TBCK: variants seen among roughly 807,000 people sequenced by gnomAD.
TBCK encodes the protein TBC1 domain containing kinase.
TBCK carries 99 observed loss-of-function variants against 113.4 expected under a neutral mutation model. The ratio of observed to expected loss-of-function variants is 0.87; its 90% CI spans 0.74 to 1.03. The LOEUF (loss-of-function observed/expected upper bound fraction) is 1.03. Among genes scored for constraint, TBCK ranks in the 50% least tolerant of loss-of-function variants. The pLI, the probability that TBCK is intolerant of heterozygous loss-of-function variation, is 0.00. For synonymous variants in TBCK, 369 were observed against 370.8 expected (o/e 1.00, Z 0.05); for missense variants, 1,045 against 1,061.3 (o/e 0.98, Z 0.21).
At chr4:106,216,647 C>T (rs1450802894) in intron 19 of TBCK, among the ~76,000 whole-genome samples, 1 of 152,184 alleles carries the variant, frequency 6.6e-6, no homozygotes, top group East Asian at 1.9e-4. Context: ...GACACATACA[C>T]TCTCCCAAGA....
intron 25 of TBCK, among the ~76,000 whole-genome samples, chr4:106,088,275 A>T (rs780515811): frequency 7.2e-5 from 11 of 152,212 alleles, no homozygotes; most frequent in Non-Finnish European, 1.5e-4. Context: ...AAACCATCCC[A>T]TCAAAAAGTA....
chr4:106,225,660 T>C (rs1307591642), intron 19 of TBCK, among the ~76,000 whole-genome samples: 1 of 151,928 alleles, frequency 6.6e-6, no homozygotes, highest in Non-Finnish European at 1.5e-5. Context: ...GGTTTCACCG[T>C]GTTGGCCAGG....
chr4:106,051,462 A>C (rs1734804794), intron 25 of TBCK, among the ~76,000 whole-genome samples: 1 of 151,902 alleles, frequency 6.6e-6, no homozygotes, highest in African/African-American at 2.4e-5. Context: ...TTGGGGTATG[A>C]AAATTTTACT....
At position 106,247,213 on chromosome 4, in the gene TBCK, G is replaced by A. The variant is rs1320936843; in HGVS notation, c.857C>T (p.Pro286Leu). The stretch of plus-strand genomic sequence containing the variant: ...CAGAGAAGATGAAAACAGACTGGCA[G>A]GTTTGGTAAAGGGGGTATATAAAGG... ...VSPLYTPFTK[P>L]ASLFSSSLRC... Residue 286 changes from proline (P) to leucine (L), a missense_variant, in exon 10 of 26, where the codon CCT (proline) becomes CTT (leucine). Physicochemically the swap from Pro to Leu is moderately conservative, Grantham distance 98. Transcript: ENST00000394708. The A allele has an allele frequency of 6.2e-7, 1 of 1,613,384 alleles. No homozygotes were observed. Among genetic ancestry groups the A allele is most frequent in the South Asian group, 1.1e-5 (1 of 91,058 alleles).
At chr4:106,230,255 C>T in intron 19 of TBCK, 108 bp downstream of exon 19, 1 of 543,608 alleles carries the variant, frequency 1.8e-6, no homozygotes, top group Non-Finnish European at 3.2e-6. Flanking sequence ...TTGGATGGAC[C>T]ATCATCGTAT....
chr4:106,272,488 A>ATTTTTTTTTTTTTTTTTTTTTTTTTAT (rs746246379), intron 3 of TBCK, among the ~76,000 whole-genome samples: 1 of 124,562 alleles, frequency 8.0e-6, no homozygotes, highest in Non-Finnish European at 1.6e-5. Context: ...TGTTTATTTA[A>ATTTTTTTTTTTTTTTTTTTTTTTTTAT]TTTTTTTTTT....
At chr4:106,301,336 T>C (rs1464551663) in intron 2 of TBCK, among the ~76,000 whole-genome samples, 10 of 152,262 alleles carry the variant, frequency 6.6e-5, no homozygotes, top group Admixed American at 3.3e-4. Flanking sequence ...CCAGCAATCA[T>C]TGAAAGATTT....
chr4:106,154,425 G>A lies in TBCK; in HGVS notation c.2235+16670C>T, dbSNP rs117688556. 2.2e-4 allele frequency among the ~76,000 whole-genome samples: 34 copies of A among 152,204 alleles called. 2 individuals are homozygous for A. In the East Asian group the frequency reaches 6.6e-3, roughly 29 times the overall value. On this transcript the variant is annotated intron_variant, in intron 23 of 25. Transcript: ENST00000394708. ...TAAAGTACTGTCAATGTCTTGAAAT[G>A]TTGTTGTAGTTATTATTTGACATGA...
intron 20 of TBCK, among the ~76,000 whole-genome samples, chr4:106,212,200 T>C (rs1021838816): frequency 6.6e-6 from 1 of 152,158 alleles, no homozygotes; most frequent in African/African-American, 2.4e-5. Context: ...ATTTATTGGA[T>C]ACAATGTGAT....
rs1324981567 is a variant in TBCK, at chr4:106,248,978, A to G, written c.663T>C (p.Cys221=). Residue 221 remains cysteine (C), a synonymous_variant, in exon 8 of 26, where the codon TGT becomes TGC. Coordinates refer to ENST00000394708, the MANE Select transcript of TBCK (RefSeq NM_001163435.3). Reference sequence around the variant, plus strand: ...CCAGAACTATTAAAGTGTCATCTACACAATCTATAAAACAGAAAAACTATA... The same window carrying G: ...CCAGAACTATTAAAGTGTCATCTACGCAATCTATAAAACAGAAAAACTATA... ...ERLKFLLTLD[C]VDDTLIVLAE... 1 of 1,601,288 alleles carries G rather than the reference A, an allele frequency of 6.2e-7. No homozygotes were observed. Among genetic ancestry groups the G allele is most frequent in the African/African-American group, 1.3e-5 (1 of 74,150 alleles).
chr4:106,289,195 G>A (rs1381511196), intron 3 of TBCK, among the ~76,000 whole-genome samples: 1 of 152,194 alleles, frequency 6.6e-6, no homozygotes, highest in East Asian at 1.9e-4. Flanking sequence ...AGGTGGACAT[G>A]TATTTTTCTG....
chr4:106,312,674 T>C (rs1209044165), intron 1 of TBCK, among the ~76,000 whole-genome samples: 1 of 152,122 alleles, frequency 6.6e-6, no homozygotes, highest in Non-Finnish European at 1.5e-5. Flanking sequence ...GTACTCTTAA[T>C]AGCTAAAAAC....
chr4:106,187,045 T>C (rs1753103210), intron 22 of TBCK, among the ~76,000 whole-genome samples: 1 of 152,196 alleles, frequency 6.6e-6, no homozygotes, highest in African/African-American at 2.4e-5. Context: ...ATTAGATGGC[T>C]GTAGGTGTGT....
In TBCK at chr4:106,296,501, A is replaced by T. The variant is rs189131400; in HGVS notation, c.194-1335T>A. 1.0e-3 allele frequency among the ~76,000 whole-genome samples: 154 copies of T among 152,222 alleles called. 2 individuals are homozygous for T. In the East Asian group the frequency reaches 0.027, roughly 27 times the overall value. Reference sequence around the variant, plus strand: ...GTTCAGAGTAAGAAATCTAGTATATAAAATAGTTCAGTAATGATTGGATTA... The same window carrying T: ...GTTCAGAGTAAGAAATCTAGTATATTAAATAGTTCAGTAATGATTGGATTA... On this transcript the variant is annotated intron_variant, in intron 2 of 25. Coordinates refer to ENST00000394708, the MANE Select transcript of TBCK (RefSeq NM_001163435.3).
intron 23 of TBCK, among the ~76,000 whole-genome samples, chr4:106,145,761 A>T (rs1279242003): frequency 2.0e-5 from 3 of 152,198 alleles, no homozygotes. Flanking sequence ...TTTTCAAAAC[A>T]AGACACATAT....
chr4:106,070,285 A>C (rs910160244), intron 25 of TBCK, among the ~76,000 whole-genome samples: 1 of 152,138 alleles, frequency 6.6e-6, no homozygotes, highest in Admixed American at 6.5e-5. Flanking sequence ...GTTTGTCATA[A>C]ATAGCTCTTA....
At chr4:106,174,667 CTTCTA>C (rs934704155) in intron 22 of TBCK, among the ~76,000 whole-genome samples, 2 of 152,102 alleles carry the variant, frequency 1.3e-5, no homozygotes, top group African/African-American at 4.8e-5. Flanking sequence ...CTTTTTAAAT[CTTCTA>C]TTCTATAAGA....
chr4:106,084,220 A>G (rs990085499), intron 25 of TBCK, among the ~76,000 whole-genome samples: 13 of 152,230 alleles, frequency 8.5e-5, no homozygotes, highest in African/African-American at 3.1e-4. Flanking sequence ...TAACTAGAAT[A>G]ACTAGTGTAG....
intron 12 of TBCK, among the ~76,000 whole-genome samples, chr4:106,240,744 G>A (rs1281671520): frequency 6.6e-6 from 1 of 151,932 alleles, no homozygotes; most frequent in African/African-American, 2.4e-5. Flanking sequence ...AAACTCTAAT[G>A]TGTAAGCTGA....
Sources: gnomAD v4.1 joint callset for allele counts (sites outside exome capture counted in the v4.1 genomes callset) on GRCh38, gnomAD v4.1.1 for gene constraint, MANE v1.5 for transcripts, NCBI Gene and HGNC (gene_info 2026-07-23, HGNC 2026-07-21) for gene names.